The following KIAA1549 variants were observed in gnomAD, a reference collection of about 807,000 sequenced individuals.
The protein encoded by KIAA1549 is UPF0606 protein KIAA1549.
In KIAA1549, 70 loss-of-function variants were observed where a neutral mutation model predicts 156.4. The ratio of observed to expected loss-of-function variants is 0.45; its 90% CI spans 0.37 to 0.55. The LOEUF is 0.55. Ranked by LOEUF, KIAA1549 falls within the 20% of genes least tolerant of loss-of-function variation. The pLI is 0.00. For synonymous variants in KIAA1549, 1,103 were observed against 1,066.4 expected (o/e 1.03, Z -0.67); for missense variants, 2,428 against 2,540.9 (o/e 0.96, Z 0.96).
chr7:138,920,817 G>A lies in KIAA1549; in HGVS notation c.188-1379C>T, dbSNP rs1402405477. 2.0e-5 allele frequency among the ~76,000 whole-genome samples: 3 copies of A among 152,198 alleles called. No individual in the cohort carries two copies. In the East Asian group the frequency reaches 5.8e-4, roughly 29 times the overall value. ...TGTGAAATGGTATAAGGACAGTCTT[G>A]AATTTACTCTATTTTTTTAAGTAAG... On this transcript the variant is annotated intron_variant, in intron 1 of 19. Transcript: ENST00000422774.
rs1407694588 is a variant in KIAA1549, at chr7:138,916,949, C to T, written c.2677G>A (p.Gly893Ser). The T allele has an allele frequency of 1.2e-6, 2 of 1,606,574 alleles. No homozygotes were observed. The highest frequency in any genetic ancestry group is 1.7e-6 in the Non-Finnish European group (2 of 1,176,090). Residue 893 changes from glycine (G) to serine (S), a missense_variant, in exon 2 of 20, where the codon GGT becomes AGT. Gly to Ser is a moderately conservative substitution (Grantham distance 56, BLOSUM62 0). Around this residue, in one of 5 missense-constraint regions of KIAA1549, gnomAD observed 762 missense variants for 901.6 expected, o/e 0.85. Coordinates refer to ENST00000422774, the MANE Select transcript of KIAA1549 (RefSeq NM_001164665.2). ...VSTTSTGAAT[G>S]GPLDSTLMGD... ...ATCAGGGTGGAGTCGAGGGGACCAC[C>T]AGTGGCAGCACCGGTGCTGGTTGTG...
intron 17 of KIAA1549, among the ~76,000 whole-genome samples, chr7:138,845,540 T>C (rs1259972750): frequency 6.6e-6 from 1 of 152,230 alleles, no homozygotes; most frequent in Non-Finnish European, 1.5e-5. Flanking sequence ...TCGTACTCTG[T>C]TACGCTAAAA....
At chr7:138,913,814 T>C (rs2130470876) in intron 2 of KIAA1549, among the ~76,000 whole-genome samples, 1 of 151,604 alleles carries the variant, frequency 6.6e-6, no homozygotes, top group East Asian at 1.9e-4. Context: ...GACTATGCTA[T>C]AGATCTGAAA....
At chr7:138,968,873 A>C (rs1814126028) in intron 1 of KIAA1549, among the ~76,000 whole-genome samples, 1 of 151,838 alleles carries the variant, frequency 6.6e-6, no homozygotes, top group South Asian at 2.1e-4. Context: ...AAAAAAAAAA[A>C]AAAAAAACAC....
chr7:138,885,141 G>C (rs977678421), intron 10 of KIAA1549, among the ~76,000 whole-genome samples: 3 of 152,202 alleles, frequency 2.0e-5, no homozygotes, highest in Admixed American at 6.5e-5. Flanking sequence ...GTTGTGGTGA[G>C]CTGAGATCGA....
chr7:138,838,301 G>A, intron 19 of KIAA1549, 141 bp from the exon 20 acceptor site: 2 of 856,866 alleles, frequency 2.3e-6, no homozygotes, highest in Non-Finnish European at 3.5e-6. Context: ...TGCTGCCTAT[G>A]CTGCAGGTGA....
In KIAA1549 at chr7:138,918,543, C is replaced by T; in HGVS notation, c.1083G>A (p.Leu361=). 1 of 1,614,016 alleles carries T rather than the reference C, an allele frequency of 6.2e-7. No homozygotes were observed. The highest frequency in any genetic ancestry group is 8.5e-7 in the Non-Finnish European group (1 of 1,179,884). ...ALAFSRTHSP[L]LSTPLAFASS... ...ACGCAAATGCAAGAGGAGTTGAAAG[C>T]AATGGAGAATGTGTCCTGCTGAATG... is the stretch of plus-strand genomic sequence containing the variant. Residue 361 remains leucine, a synonymous_variant, in exon 2 of 20, where the codon TTG becomes TTA. Coordinates refer to ENST00000422774, the MANE Select transcript of KIAA1549 (RefSeq NM_001164665.2). This position sits in a 1 kb window ranked among gnomAD's most constrained non-coding sequence, Gnocchi z 4.2.
At position 138,903,581 on chromosome 7, in the gene KIAA1549, G is replaced by A. The variant is rs1811904021; in HGVS notation, c.3669+7C>T. The A allele has an allele frequency of 6.2e-7, 1 of 1,612,468 alleles. No homozygotes were observed. The highest frequency in any genetic ancestry group is 1.3e-5 in the African/African-American group (1 of 74,834). On this transcript the variant is annotated splice_region_variant and intron_variant, in intron 8 of 19. Transcript: ENST00000422774. ...TCTCCTTCCCCTCCTCCTTTGATGT[G>A]GAGTACCTGCACCACACTGTTCCCT...
chr7:138,944,396 G>A (rs1172762888), intron 1 of KIAA1549, among the ~76,000 whole-genome samples: 1 of 152,082 alleles, frequency 6.6e-6, no homozygotes, highest in Admixed American at 6.6e-5. Context: ...ATTTTTTAAA[G>A]TGAAAAATTA....
At chr7:138,859,879 A>G (rs948560962) in intron 16 of KIAA1549, among the ~76,000 whole-genome samples, 1 of 152,088 alleles carries the variant, frequency 6.6e-6, no homozygotes, top group Admixed American at 6.6e-5. Context: ...ACTTCCCACC[A>G]CCAGGAACAT....
intron 1 of KIAA1549, among the ~76,000 whole-genome samples, chr7:138,931,681 G>A (rs1053181985): frequency 6.6e-6 from 1 of 151,174 alleles, no homozygotes; most frequent in African/African-American, 2.4e-5. Context: ...GAACCCAGGA[G>A]GCAGAGGTTG....
chr7:138,857,795 C>CCAAA (rs1810436599), intron 16 of KIAA1549, among the ~76,000 whole-genome samples: 1 of 152,154 alleles, frequency 6.6e-6, no homozygotes, highest in African/African-American at 2.4e-5. Context: ...ATTAACATAG[C>CCAAA]CATTCCAGCT....
In KIAA1549 at chr7:138,921,796, C is replaced by T. The variant is rs112512136; in HGVS notation, c.188-2358G>A. On this transcript the variant is annotated intron_variant, in intron 1 of 19. Transcript: ENST00000422774. ...AGGAGAATCGCTTGAACCCAGGAGG[C>T]GGAGGGTTCAGAGAGCCGTGATTGC... is the stretch of plus-strand genomic sequence containing the variant. Among the ~76,000 whole-genome samples the T allele has an allele frequency of 5.9e-3, 900 of 151,998 alleles. 10 individuals carry two copies. Among genetic ancestry groups the T allele is most frequent in the African/African-American group, 0.02 (838 of 41,434 alleles).
intron 9 of KIAA1549, among the ~76,000 whole-genome samples, chr7:138,895,778 T>C (rs1055125124): frequency 2.0e-5 from 3 of 152,270 alleles, no homozygotes; most frequent in African/African-American, 4.8e-5. Flanking sequence ...AGCTTCACTG[T>C]GTTAATTTGG....
chr7:138,920,994 G>A (rs1405628963), intron 1 of KIAA1549, among the ~76,000 whole-genome samples: 1 of 152,196 alleles, frequency 6.6e-6, no homozygotes, highest in African/African-American at 2.4e-5. Context: ...GCTGAATCCA[G>A]GAATAAAACA....
At chr7:138,889,896 A>G (rs771386569) in intron 10 of KIAA1549, among the ~76,000 whole-genome samples, 17 of 152,148 alleles carry the variant, frequency 1.1e-4, no homozygotes, top group Non-Finnish European at 2.4e-4. Context: ...TTGCCAGATC[A>G]CTTTTTCTAG....
chr7:138,840,083 C>A, intron 19 of KIAA1549, 50 bp downstream of exon 19: 1 of 1,513,240 alleles, frequency 6.6e-7, no homozygotes, highest in African/African-American at 1.4e-5. Flanking sequence ...AGCCACCGCA[C>A]CTGGCCTATG....
chr7:138,958,951 G>A (rs1217641165), intron 1 of KIAA1549, among the ~76,000 whole-genome samples: 17 of 152,078 alleles, frequency 1.1e-4, no homozygotes, highest in Non-Finnish European at 2.9e-5. Context: ...CCAGGCTGGA[G>A]TGCAGTGGCA....
chr7:138,979,493 T>G (rs1003508246), intron 1 of KIAA1549, among the ~76,000 whole-genome samples: 1 of 152,206 alleles, frequency 6.6e-6, no homozygotes, highest in African/African-American at 2.4e-5. Context: ...TAACTATGCC[T>G]AACTCACAAC....
Sources: allele counts gnomAD v4.1 joint callset (sites outside exome capture counted in the v4.1 genomes callset), GRCh38; gene constraint gnomAD v4.1.1; regional missense constraint gnomAD v4.1.1; non-coding constraint Gnocchi (gnomAD v3.1); transcripts MANE v1.5; gene names NCBI Gene and HGNC (gene_info 2026-07-23, HGNC 2026-07-21).